TNFAIP8L3: variants seen among roughly 807,000 people sequenced by gnomAD.
TNFAIP8L3 encodes TNF alpha induced protein 8 like 3.
Under a neutral mutation model 11.8 loss-of-function variants are expected in TNFAIP8L3, and 7 were observed. The ratio of observed to expected loss-of-function variants is 0.59; its 90% CI spans 0.34 to 1.11. TNFAIP8L3 has a LOEUF of 1.11. Among genes scored for constraint, TNFAIP8L3 ranks in the 50% most tolerant of loss-of-function variants. The probability of loss-of-function intolerance (pLI) is 0.03; values close to 1 mark genes in which losing one functional copy is unlikely to be tolerated. For missense variants in TNFAIP8L3, 219 were observed against 258.6 expected (o/e 0.85, Z 1.05); for synonymous variants, 98 against 103.8 (o/e 0.94, Z 0.34).
intron 1 of TNFAIP8L3, among the ~76,000 whole-genome samples, chr15:51,058,816 A>C (rs1003176697): frequency 6.6e-6 from 1 of 152,246 alleles, no homozygotes; most frequent in East Asian, 1.9e-4. Context: ...TCAGCTTTGC[A>C]AACTATACAG....
At chr15:51,061,005 A>C (rs977810309) in intron 1 of TNFAIP8L3, among the ~76,000 whole-genome samples, 1 of 152,194 alleles carries the variant, frequency 6.6e-6, no homozygotes, top group Non-Finnish European at 1.5e-5. Context: ...GCATGATGGC[A>C]TGCATCTGTA....
chr15:51,060,818 A>G (rs1028615494), intron 1 of TNFAIP8L3, among the ~76,000 whole-genome samples: 2 of 152,188 alleles, frequency 1.3e-5, no homozygotes, highest in African/African-American at 2.4e-5. Context: ...CAGAGCTCAC[A>G]TATCCCCATA....
chr15:51,076,532 CA>C (rs898626530), intron 1 of TNFAIP8L3, among the ~76,000 whole-genome samples: 3 of 152,176 alleles, frequency 2.0e-5, no homozygotes, highest in Admixed American at 6.5e-5. Flanking sequence ...GAAGTACCAC[CA>C]AAAGGTTTCA....
At position 51,094,509 on chromosome 15, in the gene TNFAIP8L3, G is replaced by C. The variant is rs1363215644; in HGVS notation, c.52+35C>G. ...CAGCCTCCCGTCCTCCCCAGCCCCA[G>C]CCCACCCGCCTGGGCCGTCGCGGCC... On this transcript the variant is annotated intron_variant, in intron 1 of 1. Transcript: ENST00000637513. The surrounding 1 kb of genome is among the most constrained non-coding windows in gnomAD (Gnocchi z 4.4). 7 of 1,456,252 alleles carry C rather than the reference G, an allele frequency of 4.8e-6. No individual in the cohort carries two copies. The African/African-American group carries it at 1.0e-4, about 22-fold the overall frequency. The allele number at this position is 1,456,252 out of a possible 1,614,324, so 90.2% of individuals were successfully genotyped here.
chr15:51,100,052 C>T (rs983300605), intron 1 of TNFAIP8L3, among the ~76,000 whole-genome samples: 2 of 152,212 alleles, frequency 1.3e-5, no homozygotes, highest in African/African-American at 4.8e-5. Context: ...GGTTCCTTAC[C>T]ATGTCCTGCT....
At chr15:51,087,942 TGGGAAGGGGGA>T (rs2065442030) in intron 1 of TNFAIP8L3, among the ~76,000 whole-genome samples, 1 of 137,582 alleles carries the variant, frequency 7.3e-6, no homozygotes, top group African/African-American at 2.7e-5. Flanking sequence ...TATATATATA[TGGGAAGGGGGA>T]GGATATTTGC....
intron 1 of TNFAIP8L3, among the ~76,000 whole-genome samples, chr15:51,068,834 A>C (rs1334504767): frequency 6.6e-6 from 1 of 151,654 alleles, no homozygotes; most frequent in Non-Finnish European, 1.5e-5. Flanking sequence ...CGCCTGGCTA[A>C]TTTTTGTATT....
chr15:51,101,493 T>C (rs1413816802), intron 1 of TNFAIP8L3, among the ~76,000 whole-genome samples: 1 of 151,942 alleles, frequency 6.6e-6, no homozygotes, highest in Non-Finnish European at 1.5e-5. Context: ...TGGTGGTGCA[T>C]GCCTATAATC....
chr15:51,058,283 CTTG>C lies in TNFAIP8L3; in HGVS notation c.210_212del (p.Asn70del). On this transcript the variant is annotated inframe_deletion, in exon 2 of 2. Coordinates refer to ENST00000637513, the MANE Select transcript of TNFAIP8L3 (RefSeq NM_001311175.2). ...CTTTCATGATCTTGTGGGCTTCCTTCTTGTTGTGTGTGTGCTCTTTGGTGACTT... is the reference window on the plus strand; with the variant it reads ...CTTTCATGATCTTGTGGGCTTCCTTCTTGTGTGTGTGCTCTTTGGTGACTT... The C allele has an allele frequency of 1.9e-6, 3 of 1,614,148 alleles. No individual in the cohort carries two copies. Among genetic ancestry groups the C allele is most frequent in the South Asian group, 2.2e-5 (2 of 91,082 alleles).
At chr15:51,063,457 G>A (rs558346184) in intron 1 of TNFAIP8L3, among the ~76,000 whole-genome samples, 16 of 152,304 alleles carry the variant, frequency 1.1e-4, no homozygotes, top group Non-Finnish European at 2.1e-4. Flanking sequence ...GAGAAGTAAC[G>A]AAGATACAAC....
upstream of TNFAIP8L3, among the ~76,000 whole-genome samples, chr15:51,097,406 TG>T (rs973737154): frequency 6.6e-6 from 1 of 152,118 alleles, no homozygotes; most frequent in Non-Finnish European, 1.5e-5. Flanking sequence ...GCTTTGGGCA[TG>T]GGGGGGAGAG....
chr15:51,061,448 T>C (rs1050440172), intron 1 of TNFAIP8L3, among the ~76,000 whole-genome samples: 7 of 152,282 alleles, frequency 4.6e-5, no homozygotes, highest in Non-Finnish European at 7.3e-5. Context: ...GCCTGTTAAA[T>C]CATTCTTTTA....
At position 51,057,898 on chromosome 15, in the gene TNFAIP8L3, C is replaced by G; in HGVS notation, c.598G>C (p.Asp200His). Residue 200 changes from aspartate (D) to histidine (H), a missense_variant, in exon 2 of 2, where the codon GAT (aspartate) becomes CAT (histidine). Asp to His is a moderately conservative substitution (Grantham distance 81). Coordinates refer to ENST00000637513, the MANE Select transcript of TNFAIP8L3 (RefSeq NM_001311175.2). ...GAAGGCATTTAAAGGACTTTCTCAT[C>G]TAGCAACTTATTGATTCCTTCACAA... The part of the protein sequence containing the change: ...RICEGINKLL[D>H]EKVL The G allele has an allele frequency of 6.3e-7, 1 of 1,582,210 alleles. No homozygotes were observed.
intron 1 of TNFAIP8L3, 147 bp from the exon 2 acceptor site, chr15:51,058,590 C>G: frequency 1.4e-6 from 1 of 707,424 alleles, no homozygotes; most frequent in Non-Finnish European, 2.2e-6. Context: ...CTAAACCCCA[C>G]CCCAGCCTGG....
intron 1 of TNFAIP8L3, among the ~76,000 whole-genome samples, chr15:51,090,341 G>C (rs1476434473): frequency 6.6e-6 from 1 of 152,098 alleles, no homozygotes; most frequent in East Asian, 1.9e-4. Context: ...TGATGTTGTG[G>C]CCATACCCTG....
intron 1 of TNFAIP8L3, among the ~76,000 whole-genome samples, chr15:51,103,254 G>A (rs943396904): frequency 1.3e-5 from 2 of 152,150 alleles, no homozygotes; most frequent in Admixed American, 1.3e-4. Context: ...CTCTGAGGAG[G>A]CATAAGTTAA....
intron 1 of TNFAIP8L3, among the ~76,000 whole-genome samples, chr15:51,087,935 A>ATATATATATATATATATATATATATATG (rs1567294885): frequency 1.1e-4 from 15 of 138,946 alleles, no homozygotes; most frequent in African/African-American, 3.8e-4. Flanking sequence ...ATATATATAT[A>ATATATATATATATATATATATATATATG]TATATATGGG....
At chr15:51,086,410 T>G (rs752554057) in intron 1 of TNFAIP8L3, among the ~76,000 whole-genome samples, 6 of 152,220 alleles carry the variant, frequency 3.9e-5, no homozygotes, top group Non-Finnish European at 7.3e-5. Flanking sequence ...ATGCAGGGAA[T>G]GTCTGCAGCT....
intron 1 of TNFAIP8L3, among the ~76,000 whole-genome samples, chr15:51,093,643 C>T (rs2065488559): frequency 6.6e-6 from 1 of 152,140 alleles, no homozygotes; most frequent in Admixed American, 6.5e-5. Context: ...AGGCCCACAG[C>T]TAACCTTCAG....
Sources: allele counts gnomAD v4.1 joint callset (sites outside exome capture counted in the v4.1 genomes callset), GRCh38; gene constraint gnomAD v4.1.1; non-coding constraint Gnocchi (gnomAD v3.1); transcripts MANE v1.5; gene names NCBI Gene and HGNC (gene_info 2026-07-23, HGNC 2026-07-21).